SAMD12: variants seen among roughly 807,000 people sequenced by gnomAD.
SAMD12 encodes the protein sterile alpha motif domain containing 12.
In SAMD12, 9 loss-of-function variants were observed where a neutral mutation model predicts 15.0. The ratio of observed to expected loss-of-function variants is 0.60; its 90% CI spans 0.36 to 1.05. SAMD12 has a LOEUF of 1.05. Ranked by LOEUF, SAMD12 falls within the 50% of genes least tolerant of loss-of-function variation. The pLI, the probability that SAMD12 is intolerant of heterozygous loss-of-function variation, is 0.01. For synonymous variants in SAMD12, 86 were observed against 90.1 expected, an observed-to-expected ratio of 0.96 and a Z score of 0.25; for missense variants, 230 against 234.2, an observed-to-expected ratio of 0.98 and a Z score of 0.12.
chr8:118,175,196 A>C, the SAMD12 span, among the ~76,000 whole-genome samples: 1 of 152,152 alleles, frequency 6.6e-6, no homozygotes, highest in African/African-American at 2.4e-5. Flanking sequence ...CACACCTACA[A>C]CCATCTGATC....
chr8:118,287,832 G>A (rs554330762), intron 4 of SAMD12, among the ~76,000 whole-genome samples: 2 of 152,296 alleles, frequency 1.3e-5, no homozygotes, highest in African/African-American at 4.8e-5. Context: ...ATAGGCTCTT[G>A]AGAGCCTGCT....
the SAMD12 span, among the ~76,000 whole-genome samples, chr8:118,132,514 C>T: frequency 6.6e-6 from 1 of 152,116 alleles, no homozygotes; most frequent in Non-Finnish European, 1.5e-5. Context: ...GACCCACTCC[C>T]CACAACTGCT....
At chr8:118,558,918 T>C (rs1384919654) in intron 2 of SAMD12, among the ~76,000 whole-genome samples, 1 of 152,188 alleles carries the variant, frequency 6.6e-6, no homozygotes, top group Non-Finnish European at 1.5e-5. Context: ...GCTAGCAAAC[T>C]CATGCTGTTC....
intron 4 of SAMD12, among the ~76,000 whole-genome samples, chr8:118,336,935 C>G (rs1307602423): frequency 6.6e-6 from 1 of 152,154 alleles, no homozygotes; most frequent in African/African-American, 2.4e-5. Context: ...ACTGCATGTT[C>G]TCATTCATAG....
chr8:118,459,869 C>T (rs1288620379), intron 2 of SAMD12, among the ~76,000 whole-genome samples: 13 of 152,170 alleles, frequency 8.5e-5, no homozygotes, highest in Non-Finnish European at 2.9e-5. Context: ...CACTTGCCCA[C>T]ACATGACTTA....
chr8:118,508,977 A>G (rs1563900980), intron 2 of SAMD12, among the ~76,000 whole-genome samples: 1 of 152,226 alleles, frequency 6.6e-6, no homozygotes, highest in Non-Finnish European at 1.5e-5. Flanking sequence ...ATAACATTTC[A>G]TATTCTTAAT....
intron 3 of SAMD12, among the ~76,000 whole-genome samples, chr8:118,380,659 A>T (rs1362228719): frequency 6.6e-6 from 1 of 152,184 alleles, no homozygotes; most frequent in East Asian, 1.9e-4. Flanking sequence ...ACATCTGCAG[A>T]TCTTTTCTCA....
intron 4 of SAMD12, among the ~76,000 whole-genome samples, chr8:118,337,435 C>G (rs912653192): frequency 6.6e-6 from 1 of 152,142 alleles, no homozygotes; most frequent in African/African-American, 2.4e-5. Flanking sequence ...CTAGTCATGT[C>G]CTTCAGGGTG....
chr8:118,476,869 C>T (rs773325245), intron 2 of SAMD12, among the ~76,000 whole-genome samples: 7 of 152,146 alleles, frequency 4.6e-5, no homozygotes, highest in Non-Finnish European at 5.9e-5. Context: ...TAGTTCTCTG[C>T]CAGCTCTTGA....
At chr8:118,603,707 C>T (rs527523455) in intron 1 of SAMD12, among the ~76,000 whole-genome samples, 37 of 152,172 alleles carry the variant, frequency 2.4e-4, no homozygotes, top group East Asian at 1.2e-3. Flanking sequence ...ATCCCACGGA[C>T]GATGGTGAAA....
At chr8:118,173,414 C>T in the SAMD12 span, among the ~76,000 whole-genome samples, 15 of 151,954 alleles carry the variant, frequency 9.9e-5, no homozygotes, top group African/African-American at 3.6e-4. Context: ...AAATTGGTGC[C>T]CCTGGAACCT....
intron 2 of SAMD12, among the ~76,000 whole-genome samples, chr8:118,484,385 A>T (rs1052457188): frequency 7.2e-5 from 11 of 152,264 alleles, no homozygotes; most frequent in Non-Finnish European, 1.3e-4. Context: ...ACAACACTGC[A>T]CTGTATACTT....
chr8:118,169,669 G>A, the SAMD12 span, among the ~76,000 whole-genome samples: 1 of 152,096 alleles, frequency 6.6e-6, no homozygotes, highest in Non-Finnish European at 1.5e-5. Flanking sequence ...GAGACCTATG[G>A]ATAGTTCTAG....
the SAMD12 span, among the ~76,000 whole-genome samples, chr8:118,144,438 T>C: frequency 1.3e-5 from 2 of 152,184 alleles, no homozygotes; most frequent in Non-Finnish European, 2.9e-5. Context: ...TTTCACTCAC[T>C]GCTGCTCCCA....
At chr8:118,272,881 G>A (rs1586407926) in intron 4 of SAMD12, among the ~76,000 whole-genome samples, 1 of 152,106 alleles carries the variant, frequency 6.6e-6, no homozygotes, top group East Asian at 1.9e-4. Context: ...TCCCACATCT[G>A]CCTGTCTCCT....
intron 2 of SAMD12, among the ~76,000 whole-genome samples, chr8:118,476,975 T>G (rs914103027): frequency 2.6e-5 from 4 of 152,158 alleles, no homozygotes; most frequent in Non-Finnish European, 5.9e-5. Context: ...GACACATCAC[T>G]TCCTGTACCT....
At chr8:118,475,714 A>G (rs535995639) in intron 2 of SAMD12, among the ~76,000 whole-genome samples, 2 of 152,326 alleles carry the variant, frequency 1.3e-5, no homozygotes, top group East Asian at 3.9e-4. Context: ...ACTACACACA[A>G]AATTGGAATC....
intron 3 of SAMD12, among the ~76,000 whole-genome samples, chr8:118,409,714 G>T (rs753855726): frequency 7.7e-6 from 1 of 130,392 alleles, no homozygotes; most frequent in African/African-American, 3.0e-5. Context: ...CATGTACCTG[G>T]CTAAATGGCT....
the SAMD12 span, among the ~76,000 whole-genome samples, chr8:118,149,153 G>A: frequency 1.3e-5 from 2 of 152,166 alleles, no homozygotes; most frequent in Non-Finnish European, 2.9e-5. Context: ...GTGCAGGAAC[G>A]TGCCACTGCA....
Sources: gnomAD v4.1 joint callset for allele counts (sites outside exome capture counted in the v4.1 genomes callset) on GRCh38, gnomAD v4.1.1 for gene constraint, MANE v1.5 for transcripts, NCBI Gene and HGNC (gene_info 2026-07-23, HGNC 2026-07-21) for gene names.